ALG14: variants seen among roughly 807,000 people sequenced by gnomAD.
ALG14 encodes ALG14 UDP-N-acetylglucosaminyltransferase subunit.
Under a neutral mutation model 22.8 loss-of-function variants are expected in ALG14, and 17 were observed. The observed-to-expected ratio is 0.75, with a 90% confidence interval of 0.51 to 1.12. The LOEUF (loss-of-function observed/expected upper bound fraction) is 1.12, where lower values mean the gene tolerates loss of function less well. Among genes scored for constraint, ALG14 ranks in the 50% most tolerant of loss-of-function variants. ALG14 has a pLI of 0.00. For missense variants in ALG14, 288 were observed against 271.8 expected (o/e 1.06, Z -0.42); for synonymous variants, 89 against 103.7 (o/e 0.86, Z 0.86).
At chr1:95,070,547 C>T (rs2100852172) in intron 1 of ALG14, among the ~76,000 whole-genome samples, 1 of 152,270 alleles carries the variant, frequency 6.6e-6, no homozygotes, top group East Asian at 1.9e-4. Context: ...CTTCATTCTT[C>T]CCCACATGGG....
chr1:94,981,828 A>T lies in ALG14; in HGVS notation c.*1248T>A, dbSNP rs1672502189. On this transcript the variant is annotated 3_prime_UTR_variant, in exon 4 of 4. Transcript: ENST00000370205. ...GTAGACATGGCACCACTAGAAACAC[A>T]GTCTCAAGCAGGACCAGCGAAAGAA... 1 of 152,032 alleles carries T rather than the reference A, an allele frequency of 6.6e-6. No individual in the cohort carries two copies. Among genetic ancestry groups the T allele is most frequent in the African/African-American group, 2.4e-5 (1 of 41,398 alleles). 9.4% of individuals were successfully genotyped at this position (152,032 alleles called of 1,614,324 possible). A position where few individuals can be genotyped will look rare whatever the true frequency, so the allele number is the denominator to read the frequency against.
intron 2 of ALG14, among the ~76,000 whole-genome samples, chr1:95,038,466 T>C (rs1260411188): frequency 6.6e-6 from 1 of 151,612 alleles, no homozygotes; most frequent in African/African-American, 2.4e-5. Flanking sequence ...TCTAGTCTGG[T>C]GACAGAGTGA....
In ALG14 at chr1:94,976,815, G is replaced by A. The variant is rs981461022; in HGVS notation, c.*6261C>T. On this transcript the variant is annotated 3_prime_UTR_variant, in exon 4 of 4. Transcript: ENST00000370205. ...CATGACATGTCATTCCTCTGATTAT[G>A]TTACATTAACATGGCAAAAGGGACG... The A allele has an allele frequency of 3.9e-5, 6 of 152,076 alleles. No individual in the cohort carries two copies. Among genetic ancestry groups the A allele is most frequent in the African/African-American group, 1.4e-4 (6 of 41,414 alleles). The allele number at this position is 152,076 out of a possible 1,614,324, so 9.4% of individuals were successfully genotyped here.
intron 2 of ALG14, among the ~76,000 whole-genome samples, chr1:95,044,122 C>G (rs1674468979): frequency 6.6e-6 from 1 of 152,138 alleles, no homozygotes; most frequent in Non-Finnish European, 1.5e-5. Context: ...CCTCTGTTTT[C>G]TGCCATGAAA....
In ALG14 at chr1:95,069,476, G is replaced by A. The variant is rs1172415987; in HGVS notation, c.136+3287C>T. ...CCCTGGAAACTGACTCATGTAACATGGCTTTTTCTCTTTGGTGTATGTCTG... is the reference window on the plus strand; with the variant it reads ...CCCTGGAAACTGACTCATGTAACATAGCTTTTTCTCTTTGGTGTATGTCTG... On this transcript the variant is annotated intron_variant, in intron 1 of 3. Coordinates refer to ENST00000370205, the MANE Select transcript of ALG14 (RefSeq NM_144988.4). Among the ~76,000 whole-genome samples the A allele has an allele frequency of 2.0e-5, 3 of 152,236 alleles. No individual in the cohort carries two copies. In the East Asian group the frequency reaches 5.8e-4, roughly 29 times the overall value.
Position 94,981,224 on chromosome 1 carries a change from C to G in ALG14, c.*1852G>C, listed in dbSNP as rs532424093. 1 of 152,136 alleles carries G rather than the reference C, an allele frequency of 6.6e-6. No individual in the cohort carries two copies. The allele number at this position is 152,136 out of a possible 1,614,324, so 9.4% of individuals were successfully genotyped here. ...AGCCCCTGGTTGTATGATACTAATA[C>G]GCTCTGATACTCCAGGGAAGCAACC... On this transcript the variant is annotated 3_prime_UTR_variant, in exon 4 of 4. Transcript: ENST00000370205.
intron 2 of ALG14, among the ~76,000 whole-genome samples, chr1:95,044,634 A>T (rs1305636709): frequency 6.6e-6 from 1 of 151,864 alleles, no homozygotes. Flanking sequence ...ACCCCATCAA[A>T]ATTCCCAGTT....
intron 2 of ALG14, among the ~76,000 whole-genome samples, chr1:95,056,018 A>C (rs1015387756): frequency 6.6e-6 from 1 of 150,998 alleles, no homozygotes; most frequent in Non-Finnish European, 1.5e-5. Flanking sequence ...CAAAAAAAAA[A>C]AAACAAAACA....
At chr1:95,048,293 T>C (rs1413748939) in intron 2 of ALG14, among the ~76,000 whole-genome samples, 1 of 152,198 alleles carries the variant, frequency 6.6e-6, no homozygotes, top group Admixed American at 6.6e-5. Flanking sequence ...ACTTCTATTG[T>C]TGTTTTATAT....
chr1:94,978,237 AT>A lies in ALG14; in HGVS notation c.*4838del, dbSNP rs200164310. 4 of 151,188 alleles carry A rather than the reference AT, an allele frequency of 2.6e-5. No homozygotes were observed. The highest frequency in any genetic ancestry group is 2.0e-4 in the East Asian group (1 of 5,056). 9.4% of individuals were successfully genotyped at this position (151,188 alleles called of 1,614,324 possible). A position where few individuals can be genotyped will look rare whatever the true frequency, so the allele number is the denominator to read the frequency against. ...GCCACCACGCCGGCAAATTTTTTGT[AT>A]TTTTAGTAGAGATGGGGTTTCACCA... On this transcript the variant is annotated 3_prime_UTR_variant, in exon 4 of 4. Coordinates refer to ENST00000370205, the MANE Select transcript of ALG14 (RefSeq NM_144988.4).
chr1:95,063,215 T>C (rs768824558), intron 2 of ALG14, among the ~76,000 whole-genome samples: 7 of 152,264 alleles, frequency 4.6e-5, no homozygotes, highest in Admixed American at 1.3e-4. Context: ...GATGGACATA[T>C]TGCAAAAATT....
At chr1:95,065,350 T>G (rs890593753) in intron 1 of ALG14, among the ~76,000 whole-genome samples, 4 of 151,918 alleles carry the variant, frequency 2.6e-5, no homozygotes, top group Admixed American at 1.3e-4. Context: ...ACAAAGAAGA[T>G]GCAAGACAGT....
chr1:95,067,733 C>G (rs1469419919), intron 1 of ALG14, among the ~76,000 whole-genome samples: 1 of 152,190 alleles, frequency 6.6e-6, no homozygotes, highest in African/African-American at 2.4e-5. Context: ...TTCCCTGACC[C>G]ACTTCCCCTT....
intron 3 of ALG14, among the ~76,000 whole-genome samples, chr1:94,988,614 C>T (rs1255596954): frequency 6.6e-6 from 1 of 152,108 alleles, no homozygotes; most frequent in Non-Finnish European, 1.5e-5. Context: ...GAATGATCTA[C>T]ATGTGAACAT....
At chr1:95,037,762 A>C (rs907808863) in intron 2 of ALG14, among the ~76,000 whole-genome samples, 1 of 152,226 alleles carries the variant, frequency 6.6e-6, no homozygotes, top group Non-Finnish European at 1.5e-5. Context: ...TCCTTTTCTT[A>C]AAATAAAATA....
At chr1:95,059,192 T>C (rs1040217869) in intron 2 of ALG14, among the ~76,000 whole-genome samples, 1 of 151,566 alleles carries the variant, frequency 6.6e-6, no homozygotes, top group African/African-American at 2.4e-5. Flanking sequence ...AGGTCAGGAG[T>C]TCGAGACCAG....
In ALG14 at chr1:95,049,349, A is replaced by G. The variant is rs370917388; in HGVS notation, c.288+15517T>C. ...GGAGTTCGCGACCAGTCTGGGCCAC[A>G]TGGCAAAACCCCGTCTCTACCAAAA... is the stretch of plus-strand genomic sequence containing the variant. On this transcript the variant is annotated intron_variant, in intron 2 of 3. Transcript: ENST00000370205. Among the ~76,000 whole-genome samples, 268 of 152,306 alleles carry G rather than the reference A, an allele frequency of 1.8e-3. 2 individuals carry two copies. Among genetic ancestry groups the G allele is most frequent in the South Asian group, 9.1e-3 (44 of 4,824 alleles).
intron 3 of ALG14, among the ~76,000 whole-genome samples, chr1:95,020,164 C>T (rs1018545566): frequency 1.3e-5 from 2 of 151,794 alleles, no homozygotes; most frequent in Admixed American, 1.3e-4. Flanking sequence ...TTGCAGTGAG[C>T]CGAGATCATA....
At position 94,984,019 on chromosome 1, in the gene ALG14, C is replaced by T. The variant is rs1224881204; in HGVS notation, c.421-713G>A. The stretch of plus-strand genomic sequence containing the variant: ...TCAGCCTCCCAAAGTGCTGGGATTA[C>T]AGGCATGAGCCACCGAGCCCAGCTG... On this transcript the variant is annotated intron_variant, in intron 3 of 3. Coordinates refer to ENST00000370205, the MANE Select transcript of ALG14 (RefSeq NM_144988.4). 2.0e-5 allele frequency among the ~76,000 whole-genome samples: 3 copies of T among 152,074 alleles called. No homozygotes were observed. The East Asian group carries it at 5.8e-4, about 29-fold the overall frequency.
Sources: allele counts gnomAD v4.1 joint callset (sites outside exome capture counted in the v4.1 genomes callset), GRCh38; gene constraint gnomAD v4.1.1; transcripts MANE v1.5; gene names NCBI Gene and HGNC (gene_info 2026-07-23, HGNC 2026-07-21).